The following TBCA variants were observed in gnomAD, a reference collection of about 807,000 sequenced individuals.
The protein encoded by TBCA is tubulin-specific chaperone A.
In TBCA, 6 loss-of-function variants were observed where a neutral mutation model predicts 15.8. The observed-to-expected ratio is 0.38, with a 90% CI of 0.21 to 0.75. The LOEUF (loss-of-function observed/expected upper bound fraction) is 0.75, where lower values mean the gene tolerates loss of function less well. Among genes scored for constraint, TBCA ranks in the 30% least tolerant of loss-of-function variants. The pLI, the probability that TBCA is intolerant of heterozygous loss-of-function variation, is 0.46. For missense variants in TBCA, 90 were observed against 131.2 expected (o/e 0.69, Z 1.53); for synonymous variants, 32 against 42.3 (o/e 0.76, Z 0.94).
intron 1 of TBCA, among the ~76,000 whole-genome samples, chr5:77,751,329 T>G (rs1043814913): frequency 6.6e-6 from 1 of 151,892 alleles, no homozygotes; most frequent in Non-Finnish European, 1.5e-5. Context: ...GCCCAGCTAA[T>G]TTTTTGTATT....
chr5:77,747,235 T>C (rs1204073235), intron 1 of TBCA, among the ~76,000 whole-genome samples: 1 of 152,022 alleles, frequency 6.6e-6, no homozygotes, highest in Non-Finnish European at 1.5e-5. Flanking sequence ...TCTGGGAAAA[T>C]TCTGGTCTTA....
At chr5:77,748,073 T>C (rs1311523900) in intron 1 of TBCA, among the ~76,000 whole-genome samples, 1 of 152,164 alleles carries the variant, frequency 6.6e-6, no homozygotes, top group African/African-American at 2.4e-5. Context: ...GCATAAGCAA[T>C]GGTTATTCTT....
chr5:77,769,669 TAA>T (rs35108099), intron 1 of TBCA, among the ~76,000 whole-genome samples: 6 of 146,490 alleles, frequency 4.1e-5, no homozygotes, highest in Non-Finnish European at 4.5e-5. Flanking sequence ...CTTGCTTTAT[TAA>T]AAAAAAAAAA....
At chr5:77,773,679 T>C (rs539072313) in intron 1 of TBCA, among the ~76,000 whole-genome samples, 62 of 152,244 alleles carry the variant, frequency 4.1e-4, no homozygotes, top group African/African-American at 1.5e-3. Flanking sequence ...TCCCGGGAAG[T>C]GGGATGCTGT....
At chr5:77,768,316 C>CA (rs947118191) in intron 1 of TBCA, among the ~76,000 whole-genome samples, 24 of 151,492 alleles carry the variant, frequency 1.6e-4, no homozygotes, top group Middle Eastern at 3.4e-3. Context: ...CCTAACAATA[C>CA]AAAAAAAACA....
intron 2 of TBCA, among the ~76,000 whole-genome samples, chr5:77,704,169 A>G (rs974398699): frequency 1.3e-5 from 2 of 152,132 alleles, no homozygotes; most frequent in Admixed American, 6.6e-5. Flanking sequence ...TAATGCAAAC[A>G]AGCTAGCCCC....
chr5:77,756,105 T>C (rs1026775486), intron 1 of TBCA, among the ~76,000 whole-genome samples: 3 of 152,226 alleles, frequency 2.0e-5, no homozygotes, highest in Non-Finnish European at 4.4e-5. Context: ...TTGTCACATT[T>C]TTTTAAAAGG....
chr5:77,739,982 C>T (rs887030237), intron 1 of TBCA, among the ~76,000 whole-genome samples: 6 of 151,996 alleles, frequency 3.9e-5, no homozygotes, highest in African/African-American at 1.5e-4. Flanking sequence ...AGAATACTTC[C>T]CCTAGAAAAT....
At chr5:77,692,302 C>T (rs375888360) in intron 3 of TBCA, 34 of 985,398 alleles carry the variant, frequency 3.5e-5, no homozygotes, top group Non-Finnish European at 4.0e-5. Flanking sequence ...TTAGCTCAAA[C>T]TATACGTAAG....
intron 2 of TBCA, among the ~76,000 whole-genome samples, chr5:77,696,271 A>G (rs1162531042): frequency 6.6e-6 from 1 of 152,198 alleles, no homozygotes; most frequent in Non-Finnish European, 1.5e-5. Context: ...TGCCAGGTTG[A>G]GCTCTAGAGT....
At chr5:77,712,497 G>A (rs1344761035) in intron 1 of TBCA, among the ~76,000 whole-genome samples, 1 of 152,024 alleles carries the variant, frequency 6.6e-6, no homozygotes, top group Non-Finnish European at 1.5e-5. Flanking sequence ...TAAGAATACT[G>A]AAGACAAGTA....
rs769754905 is a variant in TBCA at position 77,693,252 on chromosome 5, A to G, written c.246+14T>C. 2 of 1,613,396 alleles carry G rather than the reference A, an allele frequency of 1.2e-6. No individual in the cohort carries two copies. Among genetic ancestry groups the G allele is most frequent in the East Asian group, 4.5e-5 (2 of 44,840 alleles). On this transcript the variant is annotated intron_variant, in intron 3 of 3. Transcript: ENST00000380377. ...AAAAAAAAATTTAAACATGACACAG[A>G]AGTCTTTGCTTACTAGTATCCGTTG...
intron 1 of TBCA, among the ~76,000 whole-genome samples, chr5:77,763,200 C>T (rs984043113): frequency 3.3e-5 from 5 of 152,016 alleles, no homozygotes; most frequent in Middle Eastern, 3.4e-3. Context: ...GTCGAGATTG[C>T]GCCACTGCAC....
intron 1 of TBCA, among the ~76,000 whole-genome samples, chr5:77,713,155 G>A (rs913650065): frequency 3.3e-5 from 5 of 152,064 alleles, no homozygotes; most frequent in Admixed American, 3.3e-4. Context: ...AATTAGCCAG[G>A]CGTGGTGGCA....
At chr5:77,775,823 G>A (rs1001338590) in intron 1 of TBCA, among the ~76,000 whole-genome samples, 2 of 152,198 alleles carry the variant, frequency 1.3e-5, no homozygotes, top group African/African-American at 2.4e-5. Flanking sequence ...CTGGGATCCC[G>A]CTTCCCCGGG....
intron 1 of TBCA, among the ~76,000 whole-genome samples, chr5:77,723,720 T>G (rs1341225202): frequency 6.6e-6 from 1 of 151,984 alleles, no homozygotes; most frequent in African/African-American, 2.4e-5. Flanking sequence ...AATCACTCAT[T>G]TATGTTATAT....
Position 77,691,755 on chromosome 5 carries a change from G to C in TBCA, c.247-257C>G, listed in dbSNP as rs1580085416. On this transcript the variant is annotated intron_variant, in intron 3 of 3. Coordinates refer to ENST00000380377, the MANE Select transcript of TBCA (RefSeq NM_004607.3). ...AATAAGTGAATAACAGTCTTCTAAA[G>C]CTACCAGCATTAATTAAATAAAAAC... 4 of 1,110,048 alleles carry C rather than the reference G, an allele frequency of 3.6e-6. No individual in the cohort carries two copies. The East Asian group carries it at 2.4e-4, about 66-fold the overall frequency. The allele number at this position is 1,110,048 out of a possible 1,614,324, so 68.8% of individuals were successfully genotyped here. A position where few individuals can be genotyped will look rare whatever the true frequency, so the allele number is the denominator to read the frequency against.
intron 1 of TBCA, among the ~76,000 whole-genome samples, chr5:77,735,447 T>G (rs1172588428): frequency 6.6e-6 from 1 of 152,162 alleles, no homozygotes; most frequent in Non-Finnish European, 1.5e-5. Context: ...TGAGGCTTTC[T>G]TGCATGCTTT....
At chr5:77,706,810 TAAA>T (rs370852221) in intron 2 of TBCA, among the ~76,000 whole-genome samples, 2 of 108,438 alleles carry the variant, frequency 1.8e-5, no homozygotes, top group Non-Finnish European at 1.8e-5. Context: ...GACTCCATCT[TAAA>T]AAAAAAAAAA....
Sources: gnomAD v4.1 joint callset for allele counts (sites outside exome capture counted in the v4.1 genomes callset) on GRCh38, gnomAD v4.1.1 for gene constraint, MANE v1.5 for transcripts, NCBI Gene and HGNC (gene_info 2026-07-23, HGNC 2026-07-21) for gene names.